The following PPFIA2 variants were observed in gnomAD, a reference collection of about 807,000 sequenced individuals.
PPFIA2 encodes the protein liprin-alpha-2.
A neutral mutation model predicts 175.5 loss-of-function variants in PPFIA2; 46 were observed. The ratio of observed to expected loss-of-function variants is 0.26; its 90% CI spans 0.21 to 0.34. PPFIA2 has a LOEUF of 0.34. PPFIA2 is among the 10% of genes least tolerant of loss of function. The pLI, the probability that PPFIA2 is intolerant of heterozygous loss-of-function variation, is 1.00. For synonymous variants in PPFIA2, 568 were observed against 511.4 expected (o/e 1.11, Z -1.49); for missense variants, 1,179 against 1,506.1 (o/e 0.78, Z 3.60).
intron 4 of PPFIA2, among the ~76,000 whole-genome samples, chr12:81,556,150 A>G (rs1306094320): frequency 6.6e-6 from 1 of 151,932 alleles, no homozygotes; most frequent in Non-Finnish European, 1.5e-5. Context: ...GTGTTATATT[A>G]TATATTCCAA....
chr12:81,735,814 T>C (rs1354497565), intron 3 of PPFIA2, among the ~76,000 whole-genome samples: 1 of 151,852 alleles, frequency 6.6e-6, no homozygotes, highest in African/African-American at 2.4e-5. Flanking sequence ...TAGCCAATCA[T>C]CCTAGCCTAA....
chr12:81,341,204 G>A lies in PPFIA2; in HGVS notation c.2267C>T (p.Ala756Val). 1 of 1,610,364 alleles carries A rather than the reference G, an allele frequency of 6.2e-7. No individual in the cohort carries two copies. The highest frequency in any genetic ancestry group is 8.5e-7 in the Non-Finnish European group (1 of 1,177,644). The change falls in exon 20 of 33, where the codon GCA (alanine) becomes GTA (valine). Residue 756 changes from alanine (A) to valine (V), a missense_variant. Physicochemically the swap from Ala to Val is moderately conservative, Grantham distance 64. This residue lies in a region of PPFIA2 where 223 missense variants were observed against 241.6 expected (regional missense o/e 0.92). Transcript: ENST00000549396. Reference protein sequence around the residue: ...SDLRKHRRKIAVVEEDGREDK... With the variant: ...SDLRKHRRKIVVVEEDGREDK... The stretch of plus-strand genomic sequence containing the variant: ...CTCTCGACCATCTTCTTCCACAACT[G>A]CAATCTAGAAGCAAAAACAATACAT...
intron 3 of PPFIA2, among the ~76,000 whole-genome samples, chr12:81,708,836 T>A (rs1383986405): frequency 6.6e-6 from 1 of 152,178 alleles, no homozygotes; most frequent in Non-Finnish European, 1.5e-5. Flanking sequence ...TGTGATTCAA[T>A]GAACCTGAAT....
chr12:81,275,779 CTT>C (rs753332133), intron 28 of PPFIA2, among the ~76,000 whole-genome samples: 4 of 141,306 alleles, frequency 2.8e-5, no homozygotes, highest in African/African-American at 2.6e-5. Flanking sequence ...ATATTTTCTT[CTT>C]TTTTTTTTTT....
At chr12:81,294,054 A>G (rs753295950) in intron 24 of PPFIA2, among the ~76,000 whole-genome samples, 11 of 152,092 alleles carry the variant, frequency 7.2e-5, no homozygotes, top group Non-Finnish European at 1.5e-4. Context: ...AAAATCAAAT[A>G]CAACATGTCC....
intron 4 of PPFIA2, among the ~76,000 whole-genome samples, chr12:81,464,480 T>A (rs922827732): frequency 3.3e-5 from 5 of 152,184 alleles, no homozygotes; most frequent in African/African-American, 1.2e-4. Flanking sequence ...TCTTTTGTGC[T>A]GACTTCTAAG....
At chr12:81,694,566 T>C (rs772160428) in intron 3 of PPFIA2, among the ~76,000 whole-genome samples, 4 of 152,142 alleles carry the variant, frequency 2.6e-5, no homozygotes, top group Non-Finnish European at 5.9e-5. Flanking sequence ...ATGTATTGAA[T>C]AGCCTCAGTG....
At chr12:81,589,461 C>T (rs2058421264) in intron 4 of PPFIA2, among the ~76,000 whole-genome samples, 7 of 151,944 alleles carry the variant, frequency 4.6e-5, no homozygotes. Flanking sequence ...TAGGAAAATA[C>T]TATCAGTAAC....
intron 22 of PPFIA2, among the ~76,000 whole-genome samples, chr12:81,321,516 T>A (rs1216521013): frequency 6.6e-6 from 1 of 152,156 alleles, no homozygotes; most frequent in African/African-American, 2.4e-5. Flanking sequence ...TAAATGTTAT[T>A]TTTAATATTA....
At chr12:81,606,498 T>C (rs2060330771) in intron 4 of PPFIA2, among the ~76,000 whole-genome samples, 3 of 152,146 alleles carry the variant, frequency 2.0e-5, no homozygotes, top group Admixed American at 2.0e-4. Flanking sequence ...CCTGGCTTTG[T>C]AGTAATAGCG....
chr12:81,609,160 A>AT (rs970052281), intron 4 of PPFIA2, among the ~76,000 whole-genome samples: 2 of 151,892 alleles, frequency 1.3e-5, no homozygotes, highest in African/African-American at 4.8e-5. Context: ...TATGATTTTA[A>AT]TTTTTTTAAT....
At chr12:81,338,813 C>T (rs183839335) in intron 21 of PPFIA2, among the ~76,000 whole-genome samples, 15 of 152,086 alleles carry the variant, frequency 9.9e-5, no homozygotes, top group East Asian at 1.9e-4. Flanking sequence ...ATTGGCACCA[C>T]GATGAATATC....
At chr12:81,745,356 G>C (rs1398141588) in intron 3 of PPFIA2, among the ~76,000 whole-genome samples, 1 of 152,118 alleles carries the variant, frequency 6.6e-6, no homozygotes, top group African/African-American at 2.4e-5. Flanking sequence ...CCCACTCACA[G>C]CAACTGTTTC....
At chr12:81,267,198 CT>C (rs71309549) in intron 29 of PPFIA2, 178 bp from the exon 30 acceptor site, 75,978 of 456,448 alleles carry the variant, frequency 0.17, 20 homozygotes, top group South Asian at 0.2. Context: ...AAAAACAGGG[CT>C]TTTTTTTTTT....
chr12:81,533,725 A>G (rs1185208764), intron 4 of PPFIA2, among the ~76,000 whole-genome samples: 3 of 108,196 alleles, frequency 2.8e-5, no homozygotes, highest in African/African-American at 7.6e-5. Context: ...CTATCTATCT[A>G]TCTATCTATC....
chr12:81,594,161 C>A (rs2058993582), intron 4 of PPFIA2, among the ~76,000 whole-genome samples: 1 of 152,052 alleles, frequency 6.6e-6, no homozygotes, highest in Non-Finnish European at 1.5e-5. Context: ...TTCCCTGAAA[C>A]CATCCCTTCC....
intron 3 of PPFIA2, among the ~76,000 whole-genome samples, chr12:81,710,714 A>G (rs1387360506): frequency 6.8e-6 from 1 of 147,478 alleles, no homozygotes; most frequent in Non-Finnish European, 1.5e-5. Context: ...TTCATATAAT[A>G]TTTTAAATAA....
intron 15 of PPFIA2, 126 bp from the exon 16 acceptor site, chr12:81,358,343 C>A: frequency 2.1e-6 from 2 of 940,354 alleles, no homozygotes; most frequent in Non-Finnish European, 3.2e-6. Flanking sequence ...AGAAAGATAA[C>A]CGATAAATTG....
chr12:81,489,269 T>C (rs1387573591), intron 4 of PPFIA2, among the ~76,000 whole-genome samples: 1 of 151,716 alleles, frequency 6.6e-6, no homozygotes, highest in Non-Finnish European at 1.5e-5. Context: ...ATAATATATA[T>C]GGGTGTATAT....
Sources: allele counts gnomAD v4.1 joint callset (sites outside exome capture counted in the v4.1 genomes callset), GRCh38; gene constraint gnomAD v4.1.1; regional missense constraint gnomAD v4.1.1; transcripts MANE v1.5; gene names NCBI Gene and HGNC (gene_info 2026-07-23, HGNC 2026-07-21).